Variants in SGCZ observed in about 807,000 individuals in gnomAD.
The protein encoded by SGCZ is sarcoglycan zeta, also known as zeta-sarcoglycan.
SGCZ carries 40 observed loss-of-function variants against 41.3 expected under a neutral mutation model. The observed-to-expected ratio is 0.97, with a 90% CI of 0.75 to 1.26. SGCZ has a LOEUF of 1.26. Among genes scored for constraint, SGCZ ranks in the 50% most tolerant of loss-of-function variants. SGCZ has a pLI of 0.00. For missense variants in SGCZ, 552 were observed against 369.8 expected (o/e 1.49, Z -4.04); for synonymous variants, 206 against 137.5 (o/e 1.50, Z -3.49).
chr8:14,569,685 G>T (rs1804491950), intron 1 of SGCZ, among the ~76,000 whole-genome samples: 1 of 152,130 alleles, frequency 6.6e-6, no homozygotes, highest in African/African-American at 2.4e-5. Flanking sequence ...TGCCAAGGAA[G>T]GAGGAAAATA....
chr8:15,213,880 A>G (rs999481155), intron 1 of SGCZ, among the ~76,000 whole-genome samples: 6 of 152,000 alleles, frequency 3.9e-5, no homozygotes, highest in Non-Finnish European at 2.9e-5. Flanking sequence ...TTTTTAAAAA[A>G]CCACAATTCT....
intron 1 of SGCZ, among the ~76,000 whole-genome samples, chr8:14,762,137 G>A (rs1467458239): frequency 1.3e-5 from 2 of 152,104 alleles, no homozygotes; most frequent in African/African-American, 2.4e-5. Context: ...ACTTCTAATA[G>A]AGATTGCATG....
chr8:14,132,495 A>G (rs540404126), intron 5 of SGCZ, among the ~76,000 whole-genome samples: 1 of 152,160 alleles, frequency 6.6e-6, no homozygotes, highest in Non-Finnish European at 1.5e-5. Flanking sequence ...CGTTACAGAA[A>G]TCTTCTAAAC....
chr8:14,909,329 T>C (rs73517342), intron 1 of SGCZ, among the ~76,000 whole-genome samples: 1 of 152,152 alleles, frequency 6.6e-6, no homozygotes, highest in African/African-American at 2.4e-5. Context: ...TTTAAATAAT[T>C]CCTTTTTTGA....
chr8:15,086,617 C>G (rs191988887), intron 1 of SGCZ, among the ~76,000 whole-genome samples: 161 of 152,154 alleles, frequency 1.1e-3, no homozygotes, highest in Non-Finnish European at 1.4e-3. Flanking sequence ...AATTATACCT[C>G]AAAAACATAT....
At chr8:14,288,455 A>G (rs1434090433) in intron 3 of SGCZ, among the ~76,000 whole-genome samples, 1 of 152,012 alleles carries the variant, frequency 6.6e-6, no homozygotes, top group African/African-American at 2.4e-5. Flanking sequence ...ACCCTCGGCC[A>G]CTGGTAACCT....
Position 15,093,813 on chromosome 8 carries a change from G to A in SGCZ, c.39+143772C>T, listed in dbSNP as rs980826003. Among the ~76,000 whole-genome samples, 68 of 152,034 alleles carry A rather than the reference G, an allele frequency of 4.5e-4. 1 individual carries two copies. Among genetic ancestry groups the A allele is most frequent in the Non-Finnish European group, 1.3e-4 (9 of 68,000 alleles). On this transcript the variant is annotated intron_variant, in intron 1 of 7. Transcript: ENST00000382080. ...AGTTCCAGCAACCCACACAATAATCGGACCATTAAACAATCTACAGATGCT... is the reference window on the plus strand; with the variant it reads ...AGTTCCAGCAACCCACACAATAATCAGACCATTAAACAATCTACAGATGCT...
intron 1 of SGCZ, among the ~76,000 whole-genome samples, chr8:14,756,548 G>C (rs1260002177): frequency 1.3e-5 from 2 of 152,024 alleles, no homozygotes; most frequent in African/African-American, 4.8e-5. Flanking sequence ...ACTCTAATAT[G>C]TTTCAAACTC....
At chr8:14,272,934 T>C (rs1237190202) in intron 3 of SGCZ, among the ~76,000 whole-genome samples, 1 of 152,112 alleles carries the variant, frequency 6.6e-6, no homozygotes, top group East Asian at 1.9e-4. Flanking sequence ...AAAAACTATT[T>C]TCAGTTTCTA....
intron 3 of SGCZ, among the ~76,000 whole-genome samples, chr8:14,304,148 A>G (rs62497773): frequency 0.048 from 7,325 of 152,234 alleles, 260 homozygotes; most frequent in East Asian, 0.17. Flanking sequence ...CTATTTTCAA[A>G]TGAAAATATA....
At chr8:14,173,440 A>C (rs2117005287) in intron 4 of SGCZ, among the ~76,000 whole-genome samples, 1 of 142,514 alleles carries the variant, frequency 7.0e-6, no homozygotes, top group East Asian at 2.7e-4. Context: ...TGAAATGCAT[A>C]GGGCTGAAAA....
chr8:14,878,163 G>A (rs1804437295), intron 1 of SGCZ, among the ~76,000 whole-genome samples: 1 of 151,486 alleles, frequency 6.6e-6, no homozygotes, highest in Non-Finnish European at 1.5e-5. Context: ...ACACTTGAAA[G>A]CCAAATCAAG....
At chr8:15,068,600 C>T (rs552018654) in intron 1 of SGCZ, among the ~76,000 whole-genome samples, 1 of 152,132 alleles carries the variant, frequency 6.6e-6, no homozygotes, top group African/African-American at 2.4e-5. Context: ...AGTTTTACAT[C>T]CATGCTTGCA....
chr8:14,528,041 C>T (rs1435030941), intron 2 of SGCZ, among the ~76,000 whole-genome samples: 1 of 152,022 alleles, frequency 6.6e-6, no homozygotes, highest in Non-Finnish European at 1.5e-5. Context: ...CCTCAGTCAT[C>T]TCATATGTTG....
At chr8:14,574,339 C>T (rs1057208195) in intron 1 of SGCZ, among the ~76,000 whole-genome samples, 3 of 149,528 alleles carry the variant, frequency 2.0e-5, no homozygotes, top group African/African-American at 7.3e-5. Context: ...ATTCCTTTTC[C>T]TCAAAGTGGT....
chr8:14,553,428 C>T (rs141914049), intron 2 of SGCZ, among the ~76,000 whole-genome samples: 58 of 152,182 alleles, frequency 3.8e-4, no homozygotes, highest in African/African-American at 1.3e-3. Flanking sequence ...TTTTCTAACT[C>T]TGTGAAAATA....
chr8:14,357,402 T>TA (rs1367469435), intron 2 of SGCZ, among the ~76,000 whole-genome samples: 2 of 152,114 alleles, frequency 1.3e-5, no homozygotes, highest in Admixed American at 1.3e-4. Flanking sequence ...CTTCGCAACA[T>TA]AAAAAAACTG....
At chr8:14,885,593 G>T (rs1460322244) in intron 1 of SGCZ, among the ~76,000 whole-genome samples, 2 of 152,034 alleles carry the variant, frequency 1.3e-5, no homozygotes, top group Admixed American at 1.3e-4. Context: ...CTGAGGGAAG[G>T]TGTCCTTGCT....
chr8:15,082,603 A>C (rs187916611), intron 1 of SGCZ, among the ~76,000 whole-genome samples: 1 of 152,086 alleles, frequency 6.6e-6, no homozygotes, highest in African/African-American at 2.4e-5. Context: ...CATGGCATAG[A>C]ATATAAAAAC....
Sources: gnomAD v4.1 joint callset for allele counts (sites outside exome capture counted in the v4.1 genomes callset) on GRCh38, gnomAD v4.1.1 for gene constraint, MANE v1.5 for transcripts, NCBI Gene and HGNC (gene_info 2026-07-23, HGNC 2026-07-21) for gene names.